C14orf39: variants seen among roughly 807,000 people sequenced by gnomAD.
The protein encoded by C14orf39 is chromosome 14 open reading frame 39, also known as protein SIX6OS1.
Under a neutral mutation model 85.6 loss-of-function variants are expected in C14orf39, and 66 were observed. The observed-to-expected ratio is 0.77, with a 90% CI of 0.63 to 0.95. The LOEUF is 0.95. Among genes scored for constraint, C14orf39 ranks in the 40% least tolerant of loss-of-function variants. C14orf39 has a pLI of 0.00. For missense variants in C14orf39, 735 were observed against 663.9 expected (o/e 1.11, Z -1.18); for synonymous variants, 242 against 214.0 (o/e 1.13, Z -1.14).
intron 1 of C14orf39, among the ~76,000 whole-genome samples, chr14:60,500,320 C>T (rs1364061277): frequency 6.6e-6 from 1 of 152,186 alleles, no homozygotes; most frequent in Non-Finnish European, 1.5e-5. Context: ...AGCCACCACG[C>T]CTGGCTGGGA....
At chr14:60,482,120 A>C (rs902997675) in intron 4 of C14orf39, among the ~76,000 whole-genome samples, 1 of 152,216 alleles carries the variant, frequency 6.6e-6, no homozygotes, top group Non-Finnish European at 1.5e-5. Context: ...GAATTTAGAC[A>C]TATTAAAATC....
intron 17 of C14orf39, among the ~76,000 whole-genome samples, chr14:60,438,053 A>T (rs1393020696): frequency 6.6e-6 from 1 of 151,900 alleles, no homozygotes; most frequent in Non-Finnish European, 1.5e-5. Flanking sequence ...TACTTGAAAC[A>T]AGTCTTTTTA....
At chr14:60,498,175 A>G (rs1369662605) in intron 2 of C14orf39, among the ~76,000 whole-genome samples, 1 of 152,226 alleles carries the variant, frequency 6.6e-6, no homozygotes, top group Non-Finnish European at 1.5e-5. Flanking sequence ...AATTTCTTAT[A>G]CAGATTTTGT....
intron 8 of C14orf39, 28 bp from the exon 9 acceptor site, chr14:60,468,564 A>G: frequency 7.8e-7 from 1 of 1,278,396 alleles, no homozygotes; most frequent in South Asian, 1.4e-5. Context: ...AACACAAAAC[A>G]AAATAATTAC....
intron 5 of C14orf39, among the ~76,000 whole-genome samples, chr14:60,475,993 CAT>C (rs1440333244): frequency 2.6e-5 from 4 of 152,084 alleles, no homozygotes; most frequent in African/African-American, 9.7e-5. Context: ...AAACTGCACA[CAT>C]GAGAAGAAAA....
chr14:60,492,920 G>A (rs1267711959), intron 2 of C14orf39, among the ~76,000 whole-genome samples: 1 of 152,090 alleles, frequency 6.6e-6, no homozygotes, highest in Admixed American at 6.6e-5. Flanking sequence ...TCTCACTAAC[G>A]AAATTTTTTT....
chr14:60,485,179 T>G, intron 1 of C14orf39, 93 bp from the exon 2 acceptor site: 4 of 1,039,012 alleles, frequency 3.8e-6, no homozygotes, highest in Non-Finnish European at 5.6e-6. Context: ...ATAGCATTCT[T>G]CACAGGAACA....
At chr14:60,452,286 C>G (rs1049885622) in intron 16 of C14orf39, among the ~76,000 whole-genome samples, 1 of 151,858 alleles carries the variant, frequency 6.6e-6, no homozygotes, top group Non-Finnish European at 1.5e-5. Flanking sequence ...AGAAAATCAT[C>G]TTCACTTAAA....
rs1891385784 is a variant in C14orf39 at position 60,458,678 on chromosome 14, T to C, written c.1179A>G (p.Gln393=). The C allele has an allele frequency of 6.3e-7, 1 of 1,596,132 alleles. No homozygotes were observed. The highest frequency in any genetic ancestry group is 1.1e-5 in the South Asian group (1 of 88,890). ...ATTAGAGATCAAACATTTGACTTAC[T>C]TGTGAAGTACATTTTGATTCTCTTA... ...RQVRESKCTS[Q]AIYTEHFGKS... The change falls in exon 14 of 18, where the codon CAA becomes CAG. Residue 393 remains glutamine, a splice_region_variant and synonymous_variant. Transcript: ENST00000321731.
intron 17 of C14orf39, among the ~76,000 whole-genome samples, chr14:60,439,500 C>CT (rs981588526): frequency 6.6e-6 from 1 of 152,104 alleles, no homozygotes; most frequent in African/African-American, 2.4e-5. Context: ...AATGTAGTCA[C>CT]AGTCACAGAG....
upstream of C14orf39, among the ~76,000 whole-genome samples, chr14:60,487,094 C>A (rs1034135019): frequency 6.6e-6 from 1 of 152,136 alleles, no homozygotes; most frequent in Non-Finnish European, 1.5e-5. Flanking sequence ...ACATCCATCA[C>A]CTCATATAAT....
chr14:60,444,425 C>T (rs114417351), intron 16 of C14orf39, among the ~76,000 whole-genome samples: 2,271 of 151,898 alleles, frequency 0.015, 58 homozygotes, highest in African/African-American at 0.052. Context: ...ATAGCCGATT[C>T]GATTAAGTGG....
chr14:60,465,893 C>CGT, intron 11 of C14orf39, 86 bp downstream of exon 11: 4 of 539,474 alleles, frequency 7.4e-6, no homozygotes, highest in Non-Finnish European at 1.3e-5. Context: ...CACACACACA[C>CGT]GTCTGTGTCT....
intron 5 of C14orf39, among the ~76,000 whole-genome samples, chr14:60,476,630 A>G (rs533902999): frequency 1.3e-5 from 2 of 152,362 alleles, no homozygotes; most frequent in South Asian, 2.1e-4. Context: ...ACACTGTTAG[A>G]GAAGTACATA....
chr14:60,456,220 A>G (rs1891271274), intron 15 of C14orf39, among the ~76,000 whole-genome samples: 1 of 152,110 alleles, frequency 6.6e-6, no homozygotes, highest in Admixed American at 6.6e-5. Context: ...GGTTAAGTGC[A>G]GCACTATTTT....
At chr14:60,472,117 A>G (rs1196382084) in intron 5 of C14orf39, among the ~76,000 whole-genome samples, 1 of 152,022 alleles carries the variant, frequency 6.6e-6, no homozygotes, top group Admixed American at 6.6e-5. Context: ...TGGAACCTCT[A>G]TCTTCCCTGG....
intron 2 of C14orf39, among the ~76,000 whole-genome samples, chr14:60,498,633 A>G (rs1893100293): frequency 6.6e-6 from 1 of 152,252 alleles, no homozygotes; most frequent in Non-Finnish European, 1.5e-5. Flanking sequence ...TAATCTATGG[A>G]CTTCTATAGG....
rs558606358 is a variant in C14orf39 at position 60,444,233 on chromosome 14, G to A, written c.1504-2102C>T. Among the ~76,000 whole-genome samples, 7 of 152,052 alleles carry A rather than the reference G, an allele frequency of 4.6e-5. No individual in the cohort carries two copies. In the South Asian group the frequency reaches 1.0e-3, roughly 23 times the overall value. On this transcript the variant is annotated intron_variant, in intron 16 of 17. Coordinates refer to ENST00000321731, the MANE Select transcript of C14orf39 (RefSeq NM_174978.3). Reference sequence around the variant, plus strand: ...TGATGGATGCAGGCTTCAGAAGGTCGGTAATAACAAACTTCTACGAGCTAA... The same window carrying A: ...TGATGGATGCAGGCTTCAGAAGGTCAGTAATAACAAACTTCTACGAGCTAA...
At position 60,456,155 on chromosome 14, in the gene C14orf39, A is replaced by G. The variant is rs559986265; in HGVS notation, c.1358+762T>C. Among the ~76,000 whole-genome samples, 61 of 148,354 alleles carry G rather than the reference A, an allele frequency of 4.1e-4. 2 individuals carry two copies. Among genetic ancestry groups the G allele is most frequent in the Admixed American group, 3.3e-4 (5 of 14,968 alleles). On this transcript the variant is annotated intron_variant, in intron 15 of 17. Transcript: ENST00000321731. ...CCTGATGCAGTGAATTCTGCTTGAC[A>G]TATGTTTTAGAGAAACCTCAGGGTT...
Sources: allele counts gnomAD v4.1 joint callset (sites outside exome capture counted in the v4.1 genomes callset), GRCh38; gene constraint gnomAD v4.1.1; transcripts MANE v1.5; gene names NCBI Gene and HGNC (gene_info 2026-07-23, HGNC 2026-07-21).